The following CCDC88C variants were observed in gnomAD, a reference collection of about 807,000 sequenced individuals.
CCDC88C encodes coiled-coil and HOOK domain protein 88C.
CCDC88C carries 131 observed loss-of-function variants against 198.8 expected under a neutral mutation model. The observed-to-expected ratio is 0.66, with a 90% CI of 0.57 to 0.76. The LOEUF is 0.76. CCDC88C is among the 30% of genes least tolerant of loss of function. The pLI is 0.00. For synonymous variants in CCDC88C, 1,166 were observed against 1,114.7 expected, an observed-to-expected ratio of 1.05 and a Z score of -0.92; for missense variants, 2,553 against 2,631.6, an observed-to-expected ratio of 0.97 and a Z score of 0.65.
chr14:91,416,644 A>G, intron 2 of CCDC88C, 94 bp downstream of exon 2: 1 of 911,746 alleles, frequency 1.1e-6, no homozygotes, highest in East Asian at 2.6e-5. Context: ...CCCCCACCCC[A>G]CACACACCCC....
At chr14:91,293,309 C>G (rs1458326876) in intron 23 of CCDC88C, among the ~76,000 whole-genome samples, 2 of 145,510 alleles carry the variant, frequency 1.4e-5, no homozygotes, top group Non-Finnish European at 3.0e-5. Flanking sequence ...TGCCACGGCC[C>G]ACCTTCCCAT....
At chr14:91,397,349 G>A (rs1444188679) in intron 3 of CCDC88C, among the ~76,000 whole-genome samples, 2 of 152,176 alleles carry the variant, frequency 1.3e-5, no homozygotes, top group African/African-American at 4.8e-5. Flanking sequence ...GGAAATGATG[G>A]CCGCTCCTGA....
At chr14:91,318,098 C>G (rs2139814746) in intron 13 of CCDC88C, among the ~76,000 whole-genome samples, 1 of 152,338 alleles carries the variant, frequency 6.6e-6, no homozygotes, top group Non-Finnish European at 1.5e-5. Flanking sequence ...AAGACATTTC[C>G]CGTGCTAGGC....
intron 4 of CCDC88C, among the ~76,000 whole-genome samples, chr14:91,356,346 C>T (rs1049641889): frequency 1.3e-5 from 2 of 152,120 alleles, no homozygotes; most frequent in African/African-American, 2.4e-5. Flanking sequence ...TGCAGCCTGC[C>T]GAGGCCACCG....
chr14:91,272,762 G>A lies in CCDC88C; in HGVS notation c.5950C>T (p.Arg1984Trp), dbSNP rs1468647317. 32 of 1,607,852 alleles carry A rather than the reference G, an allele frequency of 2.0e-5. No homozygotes were observed. The highest frequency in any genetic ancestry group is 7.7e-5 in the South Asian group (7 of 90,852). ...SEGLPAKSPG[R>W]SPDLAPHLGR... ...AGGTGGGGAGCCAAATCGGGAGACC[G>A]ACCTGGGCTCTTGGCCGGAAGCCCC... is the stretch of plus-strand genomic sequence containing the variant. The change falls in exon 30 of 30, where the codon CGG becomes TGG. Residue 1984 changes from arginine to tryptophan, a missense_variant. Arg to Trp is a moderately radical substitution (Grantham distance 101). Transcript: ENST00000389857.
intron 2 of CCDC88C, among the ~76,000 whole-genome samples, chr14:91,411,860 G>A (rs1022617934): frequency 5.3e-5 from 8 of 151,970 alleles, no homozygotes; most frequent in Non-Finnish European, 8.8e-5. Flanking sequence ...CTAATCGGGA[G>A]GCTGAGGCAG....
chr14:91,383,534 C>T (rs1402235209), intron 3 of CCDC88C, among the ~76,000 whole-genome samples: 1 of 152,172 alleles, frequency 6.6e-6, no homozygotes, highest in Admixed American at 6.5e-5. Flanking sequence ...TCTGCCTCCT[C>T]GGAGGTCGCC....
Position 91,359,142 on chromosome 14 carries a change from C to G in CCDC88C, c.340+500G>C, listed in dbSNP as rs377162441. The stretch of plus-strand genomic sequence containing the variant: ...ACTGGCCTCTGCACACACATCTGAG[C>G]GGTTGGGAGGCTTCATTCTTTTTTT... On this transcript the variant is annotated intron_variant, in intron 4 of 29. Transcript: ENST00000389857. Among the ~76,000 whole-genome samples the G allele has an allele frequency of 1.2e-4, 17 of 144,234 alleles. 1 individual carries two copies. In the South Asian group the frequency reaches 3.8e-3, roughly 33 times the overall value. The allele number at this position is 144,234 out of a possible 152,430, so 94.6% of individuals were successfully genotyped here. A position where few individuals can be genotyped will look rare whatever the true frequency, so the allele number is the denominator to read the frequency against.
intron 14 of CCDC88C, among the ~76,000 whole-genome samples, chr14:91,314,866 G>A (rs1275625720): frequency 6.6e-6 from 1 of 152,192 alleles, no homozygotes; most frequent in African/African-American, 2.4e-5. Flanking sequence ...GCCAGTGATG[G>A]TGGCTCATGC....
intron 23 of CCDC88C, among the ~76,000 whole-genome samples, chr14:91,293,379 C>CAT (rs1567055104): frequency 1.1e-5 from 1 of 92,902 alleles, no homozygotes; most frequent in Non-Finnish European, 2.2e-5. Flanking sequence ...CCTTCCTGCC[C>CAT]CCTCGCCTGC....
At chr14:91,306,409 T>C (rs150489992) in intron 18 of CCDC88C, among the ~76,000 whole-genome samples, 245 of 152,346 alleles carry the variant, frequency 1.6e-3, no homozygotes, top group Admixed American at 3.9e-3. Flanking sequence ...TGCCACCAAC[T>C]GGGCTAAGGG....
chr14:91,273,079 C>T lies in CCDC88C; in HGVS notation c.5633G>A (p.Ser1878Asn), dbSNP rs1345381059. 1 of 1,560,048 alleles carries T rather than the reference C, an allele frequency of 6.4e-7. No homozygotes were observed. The highest frequency in any genetic ancestry group is 8.7e-7 in the Non-Finnish European group (1 of 1,152,440). The stretch of plus-strand genomic sequence containing the variant: ...GAAGCGCCTCGTGTCCAGCGGCCGG[C>T]TGCGGGGACCTGGGCCCTGACAGGA... ...GSSCQGPGPR[S>N]RPLDTRRFSL... is the part of the protein sequence containing the mutation. Residue 1878 changes from serine (S) to asparagine (N), a missense_variant, in exon 30 of 30, where the codon AGC (serine) becomes AAC (asparagine). Around this residue, in one of 2 missense-constraint regions of CCDC88C, gnomAD observed 1,293 missense variants for 1,219.6 expected, o/e 1.06. Transcript: ENST00000389857. This position sits in a 1 kb window ranked among gnomAD's most constrained non-coding sequence, Gnocchi z 5.6.
chr14:91,325,147 G>A lies in CCDC88C; in HGVS notation c.1198-224C>T, dbSNP rs1189053388. Among the ~76,000 whole-genome samples, 1 of 152,204 alleles carries A rather than the reference G, an allele frequency of 6.6e-6. No homozygotes were observed. Among genetic ancestry groups the A allele is most frequent in the Non-Finnish European group, 1.5e-5 (1 of 68,032 alleles). On this transcript the variant is annotated intron_variant, in intron 11 of 29. Coordinates refer to ENST00000389857, the MANE Select transcript of CCDC88C (RefSeq NM_001080414.4). This position sits in a 1 kb window ranked among gnomAD's most constrained non-coding sequence, Gnocchi z 4.1. ...CCTGGCTACCTAGGTTATGAAGACA[G>A]ACCCGGCCGGGGTCCCTAACTGAAT...
At chr14:91,350,847 T>C (rs1475346933) in intron 4 of CCDC88C, among the ~76,000 whole-genome samples, 1 of 152,228 alleles carries the variant, frequency 6.6e-6, no homozygotes, top group Non-Finnish European at 1.5e-5. Flanking sequence ...ATATACGGCA[T>C]GCTACCATGT....
intron 3 of CCDC88C, among the ~76,000 whole-genome samples, chr14:91,385,520 C>T (rs1316076454): frequency 1.3e-5 from 2 of 152,204 alleles, no homozygotes; most frequent in African/African-American, 4.8e-5. Context: ...GGTTTCCGTG[C>T]CCACTTGGCC....
chr14:91,281,164 G>A (rs1336333494), intron 27 of CCDC88C: 1 of 593,638 alleles, frequency 1.7e-6, no homozygotes, highest in Non-Finnish European at 3.0e-6. Context: ...CTCCCCACCT[G>A]GGCCACCGGA....
chr14:91,393,044 C>T (rs547113514), intron 3 of CCDC88C, among the ~76,000 whole-genome samples: 3 of 152,260 alleles, frequency 2.0e-5, no homozygotes, highest in African/African-American at 7.2e-5. Context: ...GAGACAGTAC[C>T]GGAGTCCGCT....
intron 29 of CCDC88C, among the ~76,000 whole-genome samples, chr14:91,274,422 T>C (rs1356983415): frequency 2.0e-5 from 3 of 152,326 alleles, no homozygotes; most frequent in South Asian, 4.1e-4. Flanking sequence ...CAAGGGTCTA[T>C]GGCCCCACTC....
chr14:91,343,797 G>T, intron 4 of CCDC88C, 140 bp from the exon 5 acceptor site: 1 of 941,068 alleles, frequency 1.1e-6, no homozygotes, highest in Non-Finnish European at 1.6e-6. Flanking sequence ...ACACTCCATC[G>T]ATCTTCCATG....
Sources: allele counts gnomAD v4.1 joint callset (sites outside exome capture counted in the v4.1 genomes callset), GRCh38; gene constraint gnomAD v4.1.1; regional missense constraint gnomAD v4.1.1; non-coding constraint Gnocchi (gnomAD v3.1); transcripts MANE v1.5; gene names NCBI Gene and HGNC (gene_info 2026-07-23, HGNC 2026-07-21).